Variants in CAMKK1 observed in about 807,000 individuals in gnomAD.
CAMKK1 encodes the protein calcium/calmodulin dependent protein kinase kinase 1.
Under a neutral mutation model 63.5 loss-of-function variants are expected in CAMKK1, and 20 were observed. The observed-to-expected ratio is 0.32, with a 90% CI of 0.22 to 0.46. The LOEUF (loss-of-function observed/expected upper bound fraction) is 0.46, where lower values mean the gene tolerates loss of function less well. Among genes scored for constraint, CAMKK1 ranks in the 20% least tolerant of loss-of-function variants. The pLI is 1.00. For missense variants in CAMKK1, 588 were observed against 658.1 expected, an observed-to-expected ratio of 0.89 and a Z score of 1.17; for synonymous variants, 253 against 269.0, an observed-to-expected ratio of 0.94 and a Z score of 0.58.
rs2055472776 is a variant in CAMKK1 at position 3,882,796 on chromosome 17, G to A, written c.649-232C>T. Among the ~76,000 whole-genome samples the A allele has an allele frequency of 6.6e-6, 1 of 152,124 alleles. No individual in the cohort carries two copies. Among genetic ancestry groups the A allele is most frequent in the South Asian group, 2.1e-4 (1 of 4,832 alleles). On this transcript the variant is annotated intron_variant, in intron 6 of 15. Coordinates refer to ENST00000348335, the MANE Select transcript of CAMKK1 (RefSeq NM_032294.3). This position sits in a 1 kb window ranked among gnomAD's most constrained non-coding sequence, Gnocchi z 4.3. ...CTTCCTCCCCTCCAGCTGCAATGAGGGGCTCACTTCTTGCCTCTGGGGCAG... is the reference window on the plus strand; with the variant it reads ...CTTCCTCCCCTCCAGCTGCAATGAGAGGCTCACTTCTTGCCTCTGGGGCAG...
At chr17:3,873,552 G>T in intron 10 of CAMKK1, 90 bp from the exon 11 acceptor site, 1 of 1,250,674 alleles carries the variant, frequency 8.0e-7, no homozygotes. Context: ...GGCCTGCAGG[G>T]AACCTCTTTC....
At chr17:3,880,549 A>G (rs2055364738) in intron 8 of CAMKK1, 115 bp from the exon 9 acceptor site, 2 of 702,000 alleles carry the variant, frequency 2.8e-6, no homozygotes, top group South Asian at 1.6e-5. Context: ...AACTCAAGAT[A>G]TTAGCTTTTT....
chr17:3,889,299 G>A lies in CAMKK1; in HGVS notation c.-43-3569C>T, dbSNP rs540092807. Among the ~76,000 whole-genome samples the A allele has an allele frequency of 2.0e-5, 3 of 152,210 alleles. No individual in the cohort carries two copies. Among genetic ancestry groups the A allele is most frequent in the East Asian group, 1.9e-4 (1 of 5,174 alleles). On this transcript the variant is annotated intron_variant, in intron 1 of 15. Transcript: ENST00000348335. The surrounding 1 kb of genome is among the most constrained non-coding windows in gnomAD (Gnocchi z 5.2). ...ATTCGGTGGATAACTAGGGCCATGT[G>A]GGCAAACAGAAAGATGGACAGACAG...
rs752669927 is a variant in CAMKK1, at chr17:3,880,356, G to A, written c.786C>T (p.Gly262=). 56 of 1,613,776 alleles carry A rather than the reference G, an allele frequency of 3.5e-5. No individual in the cohort carries two copies. The highest frequency in any genetic ancestry group is 4.6e-5 in the Non-Finnish European group (54 of 1,179,942). Residue 262 remains glycine, a synonymous_variant, in exon 9 of 16, where the codon GGC becomes GGT. Coordinates refer to ENST00000348335, the MANE Select transcript of CAMKK1 (RefSeq NM_032294.3). ...CTGCCCCGCACTCACAGTACTCGAGGCCCAGGATGACGTCCCGCAGGTAGA... is the reference window on the plus strand; with the variant it reads ...CTGCCCCGCACTCACAGTACTCGAGACCCAGGATGACGTCCCGCAGGTAGA... ...ARLYLRDVIL[G]LEYLHCQKIV...
chr17:3,862,395 T>C lies in CAMKK1; in HGVS notation c.1446-112A>G. The C allele has an allele frequency of 1.1e-6, 1 of 917,704 alleles. No homozygotes were observed. Among genetic ancestry groups the C allele is most frequent in the East Asian group, 2.7e-5 (1 of 37,448 alleles). The allele number at this position is 917,704 out of a possible 1,614,324, so 56.8% of individuals were successfully genotyped here. ...GAATCCCACATCTCTCAAAGCCCCC[T>C]TCACCCACTGCCCCAAGCTTGGCCT... On this transcript the variant is annotated intron_variant, in intron 15 of 15. Transcript: ENST00000348335. The surrounding 1 kb of genome is among the most constrained non-coding windows in gnomAD (Gnocchi z 4.1).
At position 3,885,616 on chromosome 17, in the gene CAMKK1, A is replaced by G. The variant is rs375217172; in HGVS notation, c.72T>C (p.Asp24=). ...CATCTGCCTCCTCCAAGTGAGTCAC[A>G]TCGATGGCTGCCACCCGTTCTACCA... ...AELVERVAAI[D]VTHLEEADGG... Residue 24 remains aspartate (D), a synonymous_variant, in exon 2 of 16, where the codon GAT becomes GAC. Coordinates refer to ENST00000348335, the MANE Select transcript of CAMKK1 (RefSeq NM_032294.3). 1 of 1,614,066 alleles carries G rather than the reference A, an allele frequency of 6.2e-7. No homozygotes were observed. The highest frequency in any genetic ancestry group is 1.1e-5 in the South Asian group (1 of 91,088).
At position 3,890,375 on chromosome 17, in the gene CAMKK1, C is replaced by T. The variant is rs1279787922; in HGVS notation, c.-44+2564G>A. Among the ~76,000 whole-genome samples, 1 of 152,160 alleles carries T rather than the reference C, an allele frequency of 6.6e-6. No individual in the cohort carries two copies. Among genetic ancestry groups the T allele is most frequent in the Non-Finnish European group, 1.5e-5 (1 of 68,014 alleles). On this transcript the variant is annotated intron_variant, in intron 1 of 15. Coordinates refer to ENST00000348335, the MANE Select transcript of CAMKK1 (RefSeq NM_032294.3). The surrounding 1 kb of genome is among the most constrained non-coding windows in gnomAD (Gnocchi z 6.5). ...GCTACCCCCAGCGCATCGTCCTGGC[C>T]CACCCACGGAGGCTGATGGTCTCCA...
intron 15 of CAMKK1, among the ~76,000 whole-genome samples, chr17:3,863,351 C>T (rs1457072621): frequency 6.6e-6 from 1 of 151,848 alleles, no homozygotes; most frequent in African/African-American, 2.4e-5. Context: ...CAAAAATTAG[C>T]CGGTGTGGTG....
At chr17:3,875,322 G>A (rs1008714557) in intron 10 of CAMKK1, among the ~76,000 whole-genome samples, 4 of 151,996 alleles carry the variant, frequency 2.6e-5, no homozygotes, top group African/African-American at 4.8e-5. Context: ...ACAAGGTGTC[G>A]CTCAGTCACT....
intron 15 of CAMKK1, chr17:3,865,633 T>G: frequency 7.6e-7 from 1 of 1,310,344 alleles, no homozygotes; most frequent in Non-Finnish European, 9.8e-7. Context: ...AGGGTCTTCC[T>G]GTCCCATGGA....
In CAMKK1 at chr17:3,884,053, C is replaced by G. The variant is rs2143878683; in HGVS notation, c.409-116G>C. 1 of 1,003,556 alleles carries G rather than the reference C, an allele frequency of 1.0e-6. No homozygotes were observed. Among genetic ancestry groups the G allele is most frequent in the Non-Finnish European group, 1.5e-6 (1 of 652,038 alleles). 62.2% of individuals were successfully genotyped at this position (1,003,556 alleles called of 1,614,324 possible). The stretch of plus-strand genomic sequence containing the variant: ...TCCTGCACCCCATCTGCACTACCCA[C>G]CACCAGCTGGCTCACGGGCAAATAT... On this transcript the variant is annotated intron_variant, in intron 3 of 15. Coordinates refer to ENST00000348335, the MANE Select transcript of CAMKK1 (RefSeq NM_032294.3). The surrounding 1 kb of genome is among the most constrained non-coding windows in gnomAD (Gnocchi z 4.5).
At chr17:3,877,484 T>TG (rs2055218604) in intron 9 of CAMKK1, among the ~76,000 whole-genome samples, 1 of 152,120 alleles carries the variant, frequency 6.6e-6, no homozygotes, top group Non-Finnish European at 1.5e-5. Context: ...ATGACCCCAC[T>TG]GACCCCATCC....
intron 12 of CAMKK1, 120 bp from the exon 13 acceptor site, chr17:3,870,008 A>G (rs116485976): frequency 0.028 from 21,936 of 773,532 alleles, 906 homozygotes; most frequent in African/African-American, 0.16. Context: ...GACAGCAGGC[A>G]GGAATTTCAC....
At chr17:3,878,509 C>T (rs2055267425) in intron 9 of CAMKK1, among the ~76,000 whole-genome samples, 1 of 152,206 alleles carries the variant, frequency 6.6e-6, no homozygotes, top group Non-Finnish European at 1.5e-5. Context: ...TTGTGCCTGC[C>T]ACTGACCGTA....
At chr17:3,867,414 G>C (rs2054575304) in intron 14 of CAMKK1, among the ~76,000 whole-genome samples, 1 of 152,210 alleles carries the variant, frequency 6.6e-6, no homozygotes, top group African/African-American at 2.4e-5. Context: ...CTGATTCTGA[G>C]GGACACAGCA....
chr17:3,869,493 G>T lies in CAMKK1; in HGVS notation c.1335C>A (p.Thr445=), dbSNP rs575617587. 88 of 1,614,076 alleles carry T rather than the reference G, an allele frequency of 5.5e-5. No homozygotes were observed. Among genetic ancestry groups the T allele is most frequent in the Non-Finnish European group, 7.0e-5 (83 of 1,180,032 alleles). Reference sequence around the variant, plus strand: ...TCTACCCCGGCTCTCTTACCACCGTGGTCCAGCTGGGGATGAGCCTGACTG... The same window carrying T: ...TCTACCCCGGCTCTCTTACCACCGTTGTCCAGCTGGGGATGAGCCTGACTG... ...KNSVRLIPSW[T]TVILVKSMLR... The change falls in exon 14 of 16, where the codon ACC becomes ACA. Residue 445 remains threonine, a synonymous_variant. Transcript: ENST00000348335.
rs750387871 is a variant in CAMKK1 at position 3,890,371 on chromosome 17, T to G, written c.-44+2568A>C. On this transcript the variant is annotated intron_variant, in intron 1 of 15. Coordinates refer to ENST00000348335, the MANE Select transcript of CAMKK1 (RefSeq NM_032294.3). This position sits in a 1 kb window ranked among gnomAD's most constrained non-coding sequence, Gnocchi z 6.5. ...CACAGCTACCCCCAGCGCATCGTCCTGGCCCACCCACGGAGGCTGATGGTC... is the reference window on the plus strand; with the variant it reads ...CACAGCTACCCCCAGCGCATCGTCCGGGCCCACCCACGGAGGCTGATGGTC... 1.3e-5 allele frequency among the ~76,000 whole-genome samples: 2 copies of G among 152,160 alleles called. No homozygotes were observed. Among genetic ancestry groups the G allele is most frequent in the Non-Finnish European group, 2.9e-5 (2 of 68,002 alleles).
rs761079957 is a variant in CAMKK1, at chr17:3,869,580, G to A, written c.1248C>T (p.Pro416=). The A allele has an allele frequency of 1.9e-6, 3 of 1,614,208 alleles. No individual in the cohort carries two copies. Among genetic ancestry groups the A allele is most frequent in the Non-Finnish European group, 2.5e-6 (3 of 1,180,042 alleles). ...HPWVTKNGEE[P]LPSEEEHCSV... ...TGCAGTGCTCCTCCTCCGAAGGAAG[G>A]GGCTCCTCCCCGTTCTTGGTCACCC... Residue 416 remains proline, a synonymous_variant, in exon 14 of 16, where the codon CCC becomes CCT. Coordinates refer to ENST00000348335, the MANE Select transcript of CAMKK1 (RefSeq NM_032294.3).
At position 3,872,561 on chromosome 17, in the gene CAMKK1, G is replaced by A. The variant is rs2054936906; in HGVS notation, c.1117C>T (p.Pro373Ser). Residue 373 changes from proline to serine, a missense_variant, in exon 12 of 16, where the codon CCT (proline) becomes TCT (serine). Transcript: ENST00000348335. ...RKIKNEPVVF[P>S]EEPEISEELK... Reference sequence around the variant, plus strand: ...CCTGGGTGGACAACTCACTCCTCAGGAAACACCACGGGCTCATTCTTGATC... The same window carrying A: ...CCTGGGTGGACAACTCACTCCTCAGAAAACACCACGGGCTCATTCTTGATC... 1.2e-6 allele frequency: 2 copies of A among 1,613,750 alleles called. No homozygotes were observed. The highest frequency in any genetic ancestry group is 1.1e-5 in the South Asian group (1 of 91,076).
Sources: gnomAD v4.1 joint callset for allele counts (sites outside exome capture counted in the v4.1 genomes callset) on GRCh38, gnomAD v4.1.1 for gene constraint, Gnocchi (gnomAD v3.1) non-coding constraint, MANE v1.5 for transcripts, NCBI Gene and HGNC (gene_info 2026-07-23, HGNC 2026-07-21) for gene names.